Variants in ZNF333 observed in about 807,000 individuals in gnomAD.
ZNF333 encodes the protein zinc finger protein 333.
ZNF333 carries 61 observed loss-of-function variants against 76.1 expected under a neutral mutation model. The observed-to-expected ratio is 0.80, with a 90% CI of 0.65 to 0.99. The LOEUF (loss-of-function observed/expected upper bound fraction) is 0.99, where lower values mean the gene tolerates loss of function less well. ZNF333 is among the 50% of genes least tolerant of loss of function. The pLI is 0.00. For synonymous variants in ZNF333, 284 were observed against 305.0 expected (o/e 0.93, Z 0.72); for missense variants, 717 against 822.4 (o/e 0.87, Z 1.57).
At chr19:14,707,883 C>G (rs1405838372) in intron 7 of ZNF333, 1 of 400,188 alleles carries the variant, frequency 2.5e-6, no homozygotes, top group Non-Finnish European at 4.4e-6. Context: ...GCCATCCACT[C>G]TTGTGTCTGG....
intron 7 of ZNF333, chr19:14,715,075 C>G: frequency 3.7e-6 from 1 of 272,990 alleles, no homozygotes; most frequent in Non-Finnish European, 7.2e-6. Context: ...GTCTATATGT[C>G]TCTTTGTGTG....
In ZNF333 at chr19:14,718,649, A is replaced by G; in HGVS notation, c.1322A>G (p.Gln441Arg). The G allele has an allele frequency of 1.2e-6, 2 of 1,613,954 alleles. No homozygotes were observed. Among genetic ancestry groups the G allele is most frequent in the Non-Finnish European group, 1.7e-6 (2 of 1,180,038 alleles). Reference sequence around the variant, plus strand: ...AGGAACTTTAACCTGATTTTGCACCAGAGAAACCACACAGGAGAGAAGCCC... The same window carrying G: ...AGGAACTTTAACCTGATTTTGCACCGGAGAAACCACACAGGAGAGAAGCCC... Reference protein sequence around the residue: ...FTRNFNLILHQRNHTGEKPYE... With the variant: ...FTRNFNLILHRRNHTGEKPYE... Residue 441 changes from glutamine (Q) to arginine (R), a missense_variant, in exon 12 of 12, where the codon CAG becomes CGG. Transcript: ENST00000292530.
Position 14,695,073 on chromosome 19 carries a change from G to T in ZNF333, c.67G>T (p.Ala23Ser). 1.9e-6 allele frequency: 3 copies of T among 1,614,076 alleles called. No individual in the cohort carries two copies. Among genetic ancestry groups the T allele is most frequent in the Non-Finnish European group, 2.5e-6 (3 of 1,179,974 alleles). Residue 23 changes from alanine (A) to serine (S), a missense_variant, in exon 3 of 12, where the codon GCA becomes TCA. Coordinates refer to ENST00000292530, the MANE Select transcript of ZNF333 (RefSeq NM_032433.4). ...FIQEWALLDSARRSLCKYRML... is the reference protein window; with the variant it reads ...FIQEWALLDSSRRSLCKYRML... ...CCAGGAGTGGGCATTGCTGGACAGC[G>T]CACGGAGGAGCCTGTGCAAATACAG...
At chr19:14,704,156 C>T (rs915157654) in intron 5 of ZNF333, among the ~76,000 whole-genome samples, 2 of 152,168 alleles carry the variant, frequency 1.3e-5, no homozygotes, top group Non-Finnish European at 2.9e-5. Context: ...TTCAGGGGCT[C>T]TGTCCTAACC....
chr19:14,731,646 T>A, exon 12 of ZNF333: 1 of 149,016 alleles, frequency 6.7e-6, no homozygotes, highest in East Asian at 2.0e-4. Flanking sequence ...AAACTCTACC[T>A]TAAAGCCGTA....
Position 14,707,040 on chromosome 19 carries a change from C to T in ZNF333, c.511+267C>T, listed in dbSNP as rs115128473. On this transcript the variant is annotated intron_variant, in intron 7 of 11. Transcript: ENST00000292530. ...GGGCAACATGAAATTCTTGACTACA[C>T]GATAATGTTGATTTTGAAAAATTAT... 366 of 394,614 alleles carry T rather than the reference C, an allele frequency of 9.3e-4. 1 individual carries two copies. The highest frequency in any genetic ancestry group is 7.2e-3 in the African/African-American group (343 of 47,638). 24.4% of individuals were successfully genotyped at this position (394,614 alleles called of 1,614,324 possible). A position where few individuals can be genotyped will look rare whatever the true frequency, so the allele number is the denominator to read the frequency against.
intron 4 of ZNF333, 114 bp from the exon 5 acceptor site, chr19:14,699,085 G>A (rs1973489982): frequency 4.4e-6 from 3 of 685,980 alleles, no homozygotes; most frequent in Non-Finnish European, 7.3e-6. Context: ...AAAAGAAAAA[G>A]CCTATGTGTG....
chr19:14,717,196 C>A, intron 10 of ZNF333, 107 bp downstream of exon 10: 1 of 884,092 alleles, frequency 1.1e-6, no homozygotes, highest in Non-Finnish European at 1.7e-6. Context: ...GACTGAGAAG[C>A]CTGTTTGGTT....
At position 14,705,212 on chromosome 19, in the gene ZNF333, T is replaced by G. The variant is rs201250782; in HGVS notation, c.423+42T>G. 8.2e-6 allele frequency: 13 copies of G among 1,578,798 alleles called. No individual in the cohort carries two copies. The Admixed American group carries it at 2.0e-4, about 25-fold the overall frequency. ...TTCACTGTGATGGCACCAGGTGCAG[T>G]CAGGAAGGCCTGGGGTGTGGGTTGT... is the stretch of plus-strand genomic sequence containing the variant. On this transcript the variant is annotated intron_variant, in intron 6 of 11. Coordinates refer to ENST00000292530, the MANE Select transcript of ZNF333 (RefSeq NM_032433.4).
rs781266656 is a variant in ZNF333, at chr19:14,718,589, CATT to C, written c.1263_1265del (p.Phe422del). The C allele has an allele frequency of 6.4e-5, 103 of 1,613,946 alleles. 1 individual carries two copies. Among genetic ancestry groups the C allele is most frequent in the Non-Finnish European group, 4.2e-6 (5 of 1,180,048 alleles). On this transcript the variant is annotated inframe_deletion, in exon 12 of 12. Coordinates refer to ENST00000292530, the MANE Select transcript of ZNF333 (RefSeq NM_032433.4). ...ATGAGAACCCATACCGGAGAGAAGCCATTTGAATGTAGTCAGTGTGGGAAAACC... is the reference window on the plus strand; with the variant it reads ...ATGAGAACCCATACCGGAGAGAAGCCTGAATGTAGTCAGTGTGGGAAAACC...
intron 11 of ZNF333, among the ~76,000 whole-genome samples, chr19:14,730,816 C>T (rs968602677): frequency 2.6e-5 from 4 of 151,738 alleles, no homozygotes; most frequent in Non-Finnish European, 4.4e-5. Context: ...TCCCTCCCTC[C>T]TCCATCTAGT....
In ZNF333 at chr19:14,706,676, C is replaced by G; in HGVS notation, c.424-10C>G. The G allele has an allele frequency of 6.2e-7, 1 of 1,612,460 alleles. No homozygotes were observed. The highest frequency in any genetic ancestry group is 8.5e-7 in the Non-Finnish European group (1 of 1,178,546). On this transcript the variant is annotated splice_polypyrimidine_tract_variant and intron_variant, in intron 6 of 11. Transcript: ENST00000292530. ...TGACTCTAATCTGTGACCCCTGTCA[C>G]TCTGTCCAGGGACTGAAGGCCGCTA...
At chr19:14,694,430 G>A (rs1048367319) in intron 2 of ZNF333, among the ~76,000 whole-genome samples, 1 of 151,438 alleles carries the variant, frequency 6.6e-6, no homozygotes, top group Non-Finnish European at 1.5e-5. Context: ...CCGAGATGGC[G>A]CCACTGCACT....
chr19:14,698,306 G>A (rs1449405242), intron 4 of ZNF333, among the ~76,000 whole-genome samples: 5 of 151,172 alleles, frequency 3.3e-5, no homozygotes, highest in Admixed American at 1.3e-4. Flanking sequence ...CCTGGGAGGC[G>A]GAGGTTGCAG....
intron 4 of ZNF333, among the ~76,000 whole-genome samples, chr19:14,698,935 T>TATACACAC (rs1180611568): frequency 3.6e-5 from 5 of 139,360 alleles, no homozygotes; most frequent in South Asian, 2.2e-4. Context: ...TATATATATA[T>TATACACAC]ACACACATAT....
intron 5 of ZNF333, chr19:14,701,484 A>G (rs2041956779): frequency 1.5e-5 from 11 of 713,178 alleles, no homozygotes; most frequent in Non-Finnish European, 1.9e-5. Flanking sequence ...TGTGTCATGT[A>G]GCCCCCAGTG....
chr19:14,695,137 A>G lies in ZNF333; in HGVS notation c.127+4A>G, dbSNP rs1228787744. 6.2e-7 allele frequency: 1 copy of G among 1,612,506 alleles called. No individual in the cohort carries two copies. The highest frequency in any genetic ancestry group is 1.7e-5 in the Admixed American group (1 of 59,894). ...TGCAGGACCCTGGCCTCCAGGGGTAAGGCTGGCGTCACCTGGCTCCTTCCT... is the reference window on the plus strand; with the variant it reads ...TGCAGGACCCTGGCCTCCAGGGGTAGGGCTGGCGTCACCTGGCTCCTTCCT... On this transcript the variant is annotated splice_donor_region_variant and intron_variant, in intron 3 of 11. Coordinates refer to ENST00000292530, the MANE Select transcript of ZNF333 (RefSeq NM_032433.4).
Position 14,718,480 on chromosome 19 carries a change from G to A in ZNF333, c.1153G>A (p.Glu385Lys), listed in dbSNP as rs1170362842. Residue 385 changes from glutamate (E) to lysine (K), a missense_variant, in exon 12 of 12, where the codon GAG (glutamate) becomes AAG (lysine). By Grantham distance (56) the Glu-to-Lys change is moderately conservative. Coordinates refer to ENST00000292530, the MANE Select transcript of ZNF333 (RefSeq NM_032433.4). ...FRYSSDLIRH[E>K]KTHTAEKCFD... The stretch of plus-strand genomic sequence containing the variant: ...ATACAGCTCTGACCTTATCAGGCAT[G>A]AGAAGACTCATACTGCAGAGAAGTG... 2 of 1,614,212 alleles carry A rather than the reference G, an allele frequency of 1.2e-6. No homozygotes were observed. Among genetic ancestry groups the A allele is most frequent in the South Asian group, 1.1e-5 (1 of 91,076 alleles).
At chr19:14,689,846 G>A (rs1243787066), upstream of ZNF333, 1 of 152,022 alleles carries the variant, frequency 6.6e-6, no homozygotes, top group Non-Finnish European at 1.5e-5. Flanking sequence ...CTGTCTCTCG[G>A]ACATAGGCTC....
Sources: gnomAD v4.1 joint callset for allele counts (sites outside exome capture counted in the v4.1 genomes callset) on GRCh38, gnomAD v4.1.1 for gene constraint, MANE v1.5 for transcripts, NCBI Gene and HGNC (gene_info 2026-07-23, HGNC 2026-07-21) for gene names.